HS6ST3: variants seen among roughly 807,000 people sequenced by gnomAD.
The protein encoded by HS6ST3 is heparan sulfate 6-O-sulfotransferase 3.
A neutral mutation model predicts 36.7 loss-of-function variants in HS6ST3; 12 were observed. That is an observed-to-expected ratio of 0.33 (90% CI 0.21 to 0.53). The LOEUF (loss-of-function observed/expected upper bound fraction) is 0.53, where lower values mean the gene tolerates loss of function less well. Among genes scored for constraint, HS6ST3 ranks in the 20% least tolerant of loss-of-function variants. HS6ST3 has a pLI of 0.95. For synonymous variants in HS6ST3, 240 were observed against 257.5 expected (o/e 0.93, Z 0.65); for missense variants, 584 against 640.9 (o/e 0.91, Z 0.96).
At chr13:96,325,277 T>G (rs2055024820) in intron 1 of HS6ST3, among the ~76,000 whole-genome samples, 2 of 152,170 alleles carry the variant, frequency 1.3e-5, no homozygotes, top group African/African-American at 4.8e-5. Context: ...CTTCAGCGTT[T>G]TCTAAGGTAA....
At chr13:96,553,693 C>T (rs2056228764) in intron 1 of HS6ST3, among the ~76,000 whole-genome samples, 1 of 152,212 alleles carries the variant, frequency 6.6e-6, no homozygotes, top group African/African-American at 2.4e-5. Flanking sequence ...CAGATTAATT[C>T]CACTAAATTA....
intron 1 of HS6ST3, among the ~76,000 whole-genome samples, chr13:96,241,439 TTTAAA>T (rs1259648290): frequency 6.6e-6 from 1 of 152,012 alleles, no homozygotes; most frequent in East Asian, 1.9e-4. Context: ...AAAAAAAGCA[TTTAAA>T]TTAATAGTTC....
intron 1 of HS6ST3, among the ~76,000 whole-genome samples, chr13:96,119,787 G>A (rs639527): frequency 0.81 from 123,203 of 151,842 alleles, 50,479 homozygotes; most frequent in East Asian, 0.91. Flanking sequence ...AGTGGAGATA[G>A]GGTTGTTGTG....
chr13:96,150,809 A>G (rs1011335646), intron 1 of HS6ST3, among the ~76,000 whole-genome samples: 1 of 152,172 alleles, frequency 6.6e-6, no homozygotes, highest in Non-Finnish European at 1.5e-5. Context: ...CTGTATTTTG[A>G]ATAAGAAGAA....
At chr13:96,184,433 C>T (rs9525142) in intron 1 of HS6ST3, among the ~76,000 whole-genome samples, 138,174 of 152,206 alleles carry the variant, frequency 0.91, 62,865 homozygotes, top group Non-Finnish European at 0.94. Flanking sequence ...CCTTTTCTCT[C>T]TTCCCACACA....
At chr13:96,574,130 AG>A in intron 1 of HS6ST3, 2 of 537,534 alleles carry the variant, frequency 3.7e-6, no homozygotes, top group East Asian at 1.0e-4. Flanking sequence ...GGAATACGTT[AG>A]CCATTGCATT....
intron 1 of HS6ST3, among the ~76,000 whole-genome samples, chr13:96,116,411 A>T (rs1594681805): frequency 6.6e-6 from 1 of 152,114 alleles, no homozygotes; most frequent in Non-Finnish European, 1.5e-5. Context: ...TATGCTGGTG[A>T]TGATGTACAC....
intron 1 of HS6ST3, among the ~76,000 whole-genome samples, chr13:96,614,501 G>A (rs948077442): frequency 5.3e-5 from 8 of 151,940 alleles, no homozygotes; most frequent in Non-Finnish European, 1.2e-4. Context: ...GTGTTGGTGG[G>A]GATGGTGGGT....
intron 1 of HS6ST3, among the ~76,000 whole-genome samples, chr13:96,393,259 A>G (rs1289359549): frequency 1.3e-5 from 2 of 152,150 alleles, no homozygotes; most frequent in African/African-American, 4.8e-5. Flanking sequence ...ATGAAAAAAG[A>G]CTAATACACT....
intron 1 of HS6ST3, among the ~76,000 whole-genome samples, chr13:96,549,483 G>A (rs1189550257): frequency 6.6e-6 from 1 of 152,058 alleles, no homozygotes; most frequent in African/African-American, 2.4e-5. Context: ...TTGATTGCAG[G>A]CTTGAATAGA....
chr13:96,207,030 G>A (rs1282833776), intron 1 of HS6ST3, among the ~76,000 whole-genome samples: 1 of 152,054 alleles, frequency 6.6e-6, no homozygotes, highest in East Asian at 1.9e-4. Context: ...ACAGCCTAAA[G>A]AATGGAGAAG....
At chr13:96,801,141 C>T (rs1046379663) in intron 1 of HS6ST3, among the ~76,000 whole-genome samples, 2 of 152,092 alleles carry the variant, frequency 1.3e-5, no homozygotes, top group African/African-American at 2.4e-5. Context: ...CTTGGCTTTT[C>T]GGTCAGCACA....
At chr13:96,333,353 G>A (rs2055082464) in intron 1 of HS6ST3, among the ~76,000 whole-genome samples, 1 of 151,542 alleles carries the variant, frequency 6.6e-6, no homozygotes, top group African/African-American at 2.4e-5. Context: ...CCAAATGCTT[G>A]TGTTCTTTCC....
At chr13:96,268,661 C>A (rs1447129468) in intron 1 of HS6ST3, among the ~76,000 whole-genome samples, 1 of 151,932 alleles carries the variant, frequency 6.6e-6, no homozygotes, top group Non-Finnish European at 1.5e-5. Context: ...CATTAGTAAT[C>A]ATGATAACTC....
intron 1 of HS6ST3, among the ~76,000 whole-genome samples, chr13:96,278,133 A>C (rs965093058): frequency 6.6e-6 from 1 of 152,266 alleles, no homozygotes; most frequent in Admixed American, 6.5e-5. Flanking sequence ...CGATATTTCA[A>C]TTTCCTCCCA....
chr13:96,811,894 G>A (rs1468402665), intron 1 of HS6ST3, among the ~76,000 whole-genome samples: 2 of 152,204 alleles, frequency 1.3e-5, no homozygotes, highest in East Asian at 3.9e-4. Context: ...GCTTAGATCA[G>A]ACTCAGGCAA....
chr13:96,389,745 CCTTTA>C (rs1325395219), intron 1 of HS6ST3, among the ~76,000 whole-genome samples: 1 of 152,020 alleles, frequency 6.6e-6, no homozygotes, highest in Non-Finnish European at 1.5e-5. Flanking sequence ...TAGCTGAAAC[CCTTTA>C]TTTTATAGAT....
At chr13:96,784,359 C>T (rs1474264001) in intron 1 of HS6ST3, among the ~76,000 whole-genome samples, 1 of 152,008 alleles carries the variant, frequency 6.6e-6, no homozygotes, top group African/African-American at 2.4e-5. Context: ...AGCTTTATAA[C>T]TTTTTTTATT....
chr13:96,715,018 T>G (rs930982401), intron 1 of HS6ST3, among the ~76,000 whole-genome samples: 2 of 152,136 alleles, frequency 1.3e-5, no homozygotes, highest in African/African-American at 4.8e-5. Flanking sequence ...CTAGGATATT[T>G]ATGATTATTT....
Sources: gnomAD v4.1 joint callset for allele counts (sites outside exome capture counted in the v4.1 genomes callset) on GRCh38, gnomAD v4.1.1 for gene constraint, MANE v1.5 for transcripts, NCBI Gene and HGNC (gene_info 2026-07-23, HGNC 2026-07-21) for gene names.